ITFG1: variants seen among roughly 807,000 people sequenced by gnomAD.
ITFG1 encodes the protein T-cell immunomodulatory protein.
Under a neutral mutation model 81.8 loss-of-function variants are expected in ITFG1, and 34 were observed. That is an observed-to-expected ratio of 0.42 (90% CI 0.32 to 0.55). The LOEUF (loss-of-function observed/expected upper bound fraction) is 0.55, where lower values mean the gene tolerates loss of function less well. Ranked by LOEUF, ITFG1 falls within the 20% of genes least tolerant of loss-of-function variation. ITFG1 has a pLI of 0.17. For synonymous variants in ITFG1, 285 were observed against 270.6 expected, an observed-to-expected ratio of 1.05 and a Z score of -0.52; for missense variants, 672 against 755.4, an observed-to-expected ratio of 0.89 and a Z score of 1.29.
chr16:47,161,013 T>C (rs1027781625), intron 16 of ITFG1, among the ~76,000 whole-genome samples: 2 of 152,240 alleles, frequency 1.3e-5, no homozygotes, highest in Admixed American at 1.3e-4. Flanking sequence ...TTCTCTTTGG[T>C]TATTTTCTCA....
chr16:47,291,453 T>C (rs1966904492), intron 10 of ITFG1, among the ~76,000 whole-genome samples: 1 of 152,152 alleles, frequency 6.6e-6, no homozygotes, highest in South Asian at 2.1e-4. Flanking sequence ...TTGGAGACCT[T>C]TGAGATTCCT....
At chr16:47,201,294 C>T (rs1161272041) in intron 14 of ITFG1, among the ~76,000 whole-genome samples, 1 of 151,592 alleles carries the variant, frequency 6.6e-6, no homozygotes, top group African/African-American at 2.4e-5. Context: ...CTGCAAGCTC[C>T]ACCTCCCGGG....
At chr16:47,187,162 A>G (rs1261531989) in intron 14 of ITFG1, among the ~76,000 whole-genome samples, 1 of 152,222 alleles carries the variant, frequency 6.6e-6, no homozygotes, top group Non-Finnish European at 1.5e-5. Context: ...GGAAGAATAA[A>G]TATTGTGAAA....
At position 47,260,179 on chromosome 16, in the gene ITFG1, C is replaced by T. The variant is rs932704423; in HGVS notation, c.1221+366G>A. Among the ~76,000 whole-genome samples the T allele has an allele frequency of 1.5e-4, 23 of 152,010 alleles. 1 individual carries two copies. Among genetic ancestry groups the T allele is most frequent in the Admixed American group, 3.9e-4 (6 of 15,258 alleles). On this transcript the variant is annotated intron_variant, in intron 11 of 17. Coordinates refer to ENST00000320640, the MANE Select transcript of ITFG1 (RefSeq NM_030790.5). ...GTATTGATCTCCTGACCTCATGATC[C>T]GCCTGCCTCGGCCTCCCAAAGTGCT...
chr16:47,168,136 G>A (rs1370187441), intron 14 of ITFG1, among the ~76,000 whole-genome samples: 1 of 152,128 alleles, frequency 6.6e-6, no homozygotes. Context: ...GTTCTGAAGT[G>A]GTAACTCAGT....
At chr16:47,211,916 AT>A (rs915381016) in intron 14 of ITFG1, among the ~76,000 whole-genome samples, 9 of 150,764 alleles carry the variant, frequency 6.0e-5, no homozygotes, top group African/African-American at 2.2e-4. Context: ...CTACTCACTA[AT>A]TTTTTTTCTT....
At chr16:47,194,444 T>C (rs1330107789) in intron 14 of ITFG1, among the ~76,000 whole-genome samples, 1 of 152,222 alleles carries the variant, frequency 6.6e-6, no homozygotes, top group East Asian at 1.9e-4. Flanking sequence ...GGACGTCTTG[T>C]AGAATATGGA....
intron 6 of ITFG1, among the ~76,000 whole-genome samples, chr16:47,423,627 G>T (rs983004611): frequency 6.6e-6 from 1 of 152,086 alleles, no homozygotes; most frequent in African/African-American, 2.4e-5. Context: ...AGGCAGGCCT[G>T]GTGGTGAAAA....
intron 10 of ITFG1, chr16:47,263,311 T>C (rs948649500): frequency 6.5e-6 from 3 of 464,334 alleles, no homozygotes; most frequent in Admixed American, 4.5e-5. Flanking sequence ...GCTATTCCTA[T>C]AACCTGGAAA....
At chr16:47,425,011 C>T (rs1969001181) in intron 6 of ITFG1, among the ~76,000 whole-genome samples, 1 of 152,154 alleles carries the variant, frequency 6.6e-6, no homozygotes, top group Non-Finnish European at 1.5e-5. Context: ...AAGCTGTCCG[C>T]CGCCTTTTGT....
intron 14 of ITFG1, among the ~76,000 whole-genome samples, chr16:47,165,248 C>G (rs905822394): frequency 6.6e-6 from 1 of 152,102 alleles, no homozygotes; most frequent in African/African-American, 2.4e-5. Context: ...TTCAAGGGGA[C>G]TCTGCTAAAC....
At chr16:47,335,719 A>G (rs1362361357) in intron 8 of ITFG1, among the ~76,000 whole-genome samples, 2 of 152,234 alleles carry the variant, frequency 1.3e-5, no homozygotes, top group Non-Finnish European at 1.5e-5. Context: ...ATAAAAAAGA[A>G]TGACAATACT....
At chr16:47,314,160 G>A (rs191426907) in intron 8 of ITFG1, among the ~76,000 whole-genome samples, 1 of 152,092 alleles carries the variant, frequency 6.6e-6, no homozygotes, top group African/African-American at 2.4e-5. Context: ...CCTACACATG[G>A]ACTCCTTGAA....
chr16:47,451,353 A>C, intron 5 of ITFG1, 43 bp downstream of exon 5: 1 of 1,038,608 alleles, frequency 9.6e-7, no homozygotes, highest in South Asian at 1.4e-5. Context: ...AAGTAGAAGC[A>C]ATATATACGA....
chr16:47,247,291 T>G (rs1377468860), intron 12 of ITFG1, among the ~76,000 whole-genome samples: 11 of 152,204 alleles, frequency 7.2e-5, no homozygotes. Flanking sequence ...ATGGTTTCAA[T>G]CACAGTTTAT....
At chr16:47,320,348 AT>A (rs1170581598) in intron 8 of ITFG1, among the ~76,000 whole-genome samples, 1 of 152,104 alleles carries the variant, frequency 6.6e-6, no homozygotes, top group African/African-American at 2.4e-5. Context: ...TTTTGCTTAT[AT>A]TTTATAAAGG....
intron 5 of ITFG1, among the ~76,000 whole-genome samples, chr16:47,438,438 G>A (rs1969199544): frequency 6.6e-6 from 1 of 152,188 alleles, no homozygotes; most frequent in South Asian, 2.1e-4. Flanking sequence ...GCACCCCCCA[G>A]TAGGGGTGGA....
chr16:47,319,591 G>T (rs912006460), intron 8 of ITFG1, among the ~76,000 whole-genome samples: 1 of 152,120 alleles, frequency 6.6e-6, no homozygotes, highest in Admixed American at 6.5e-5. Flanking sequence ...ATACTCAAGG[G>T]TTGAGACTTA....
intron 6 of ITFG1, among the ~76,000 whole-genome samples, chr16:47,390,946 C>G (rs1172579578): frequency 6.6e-6 from 1 of 151,786 alleles, no homozygotes; most frequent in Non-Finnish European, 1.5e-5. Flanking sequence ...ACTTGTAATT[C>G]AATTTTATAT....
Sources: allele counts gnomAD v4.1 joint callset (sites outside exome capture counted in the v4.1 genomes callset), GRCh38; gene constraint gnomAD v4.1.1; transcripts MANE v1.5; gene names NCBI Gene and HGNC (gene_info 2026-07-23, HGNC 2026-07-21).